The following PCAT6 variants were observed in gnomAD, a reference collection of about 807,000 sequenced individuals.
PCAT6 encodes the protein prostate cancer associated transcript 6, also known as KDM5B antisense RNA 1 (head to head).
chr1:202,810,988 G>T (rs1483408252), exon 1 of PCAT6: 23 of 233,988 alleles, frequency 9.8e-5, no homozygotes, highest in South Asian at 1.8e-4. Context: ...GCCTGGAGGT[G>T]CCGGGGCCGG....
chr1:202,811,189 A>T (rs1160957236), exon 1 of PCAT6: 1 of 395,408 alleles, frequency 2.5e-6, no homozygotes, highest in Non-Finnish European at 4.5e-6. Context: ...AACCGCCCTC[A>T]TTTGTGCAGC....
exon 1 of PCAT6, chr1:202,811,328 G>C (rs1658545744): frequency 2.5e-6 from 1 of 398,682 alleles, no homozygotes; most frequent in Admixed American, 4.4e-5. Flanking sequence ...TTCGCCCCTA[G>C]ATACACCCGC....
chr1:202,811,030 C>T, exon 1 of PCAT6: 1 of 303,840 alleles, frequency 3.3e-6, no homozygotes, highest in East Asian at 5.2e-5. Context: ...GAGGCCTAGG[C>T]GGGGTCAGGT....
exon 1 of PCAT6, chr1:202,811,709 C>T (rs1016476259): frequency 3.3e-6 from 1 of 304,142 alleles, no homozygotes. Context: ...ACCGGCTTTC[C>T]CTCGTCCTCT....
exon 1 of PCAT6, chr1:202,811,731 C>A: frequency 3.8e-6 from 1 of 263,558 alleles, no homozygotes; most frequent in East Asian, 6.4e-5. Flanking sequence ...CGCAGTCCAT[C>A]TCAGCTCATC....
rs190522047 is a variant in PCAT6, at chr1:202,811,254, A to G, written n.372A>G. The G allele has an allele frequency of 4.3e-3, 1,701 of 398,412 alleles. 29 individuals are homozygous for G. Among genetic ancestry groups the G allele is most frequent in the African/African-American group, 0.032 (1,539 of 48,488 alleles). The allele number at this position is 398,412 out of a possible 1,614,324, so 24.7% of individuals were successfully genotyped here. On this transcript the variant is annotated non_coding_transcript_exon_variant, in exon 1 of 1. Transcript: ENST00000686658. ...TCTCCATCCTCATTCGGTCCATCCA[A>G]CTCCCAGACCTCACGTCAACCGGCT... is the stretch of plus-strand genomic sequence containing the variant.
exon 1 of PCAT6, chr1:202,810,978 G>C (rs1043894437): frequency 4.1e-5 from 9 of 222,152 alleles, no homozygotes; most frequent in South Asian, 1.8e-4. Flanking sequence ...GGCAACCCCA[G>C]CCTGGAGGTG....
exon 1 of PCAT6, chr1:202,811,590 T>C (rs1658552282): frequency 5.1e-6 from 2 of 389,872 alleles, no homozygotes; most frequent in Non-Finnish European, 9.0e-6. Flanking sequence ...CAGGTGTCCG[T>C]GAGCCTCCCT....
chr1:202,811,549 C>A (rs1286864956), exon 1 of PCAT6: 2 of 395,860 alleles, frequency 5.1e-6, no homozygotes, highest in Non-Finnish European at 8.9e-6. Context: ...CTCCCCACCC[C>A]CTCGCCGCCT....
At chr1:202,811,432 C>T (rs925349184) in exon 1 of PCAT6, 3 of 398,558 alleles carry the variant, frequency 7.5e-6, no homozygotes, top group East Asian at 3.6e-5. Flanking sequence ...CCTCCCTCCC[C>T]TCCCCCTGGG....
exon 1 of PCAT6, chr1:202,811,421 TC>T: frequency 2.5e-6 from 1 of 398,614 alleles, no homozygotes; most frequent in Non-Finnish European, 4.4e-6. Context: ...TGGGGGGACT[TC>T]CTCCCTCCCC....
exon 1 of PCAT6, chr1:202,811,829 C>G (rs1165053256): frequency 1.2e-5 from 2 of 166,592 alleles, no homozygotes; most frequent in Non-Finnish European, 2.6e-5. Flanking sequence ...AACCCACAAA[C>G]GCTTGCGATT....
exon 1 of PCAT6, chr1:202,811,577 C>T (rs1658552046): frequency 2.5e-6 from 1 of 394,520 alleles, no homozygotes; most frequent in Non-Finnish European, 4.5e-6. Flanking sequence ...CTTTTCAGGG[C>T]TCCAGGTGTC....
chr1:202,811,714 T>A (rs1658555926), exon 1 of PCAT6: 1 of 294,112 alleles, frequency 3.4e-6, no homozygotes. Flanking sequence ...CTTTCCCTCG[T>A]CCTCTGCGCA....
At chr1:202,811,608 T>A (rs746314163) in exon 1 of PCAT6, 2 of 387,968 alleles carry the variant, frequency 5.2e-6, no homozygotes, top group Non-Finnish European at 9.1e-6. Flanking sequence ...CCTTCCGCCC[T>A]GGCCTCCGGT....
At chr1:202,811,178 A>T (rs1658542229) in exon 1 of PCAT6, 1 of 393,380 alleles carries the variant, frequency 2.5e-6, no homozygotes, top group Non-Finnish European at 4.5e-6. Flanking sequence ...TCCGTCCCCC[A>T]AACCGCCCTC....
exon 1 of PCAT6, chr1:202,811,241 T>G: frequency 2.5e-6 from 1 of 398,416 alleles, no homozygotes; most frequent in Non-Finnish European, 4.4e-6. Flanking sequence ...TCCATCCTCA[T>G]TCGGTCCATC....
At chr1:202,811,721 C>T in exon 1 of PCAT6, 1 of 282,424 alleles carries the variant, frequency 3.5e-6, no homozygotes. Context: ...TCGTCCTCTG[C>T]GCAGTCCATC....
exon 1 of PCAT6, chr1:202,811,401 G>C (rs1169245293): frequency 7.5e-6 from 3 of 398,658 alleles, no homozygotes; most frequent in Admixed American, 4.4e-5. Context: ...ACGCTGCCGG[G>C]TTGCAAACTT....
Sources: gnomAD v4.1 joint callset for allele counts on GRCh38, gnomAD v4.1.1 for gene constraint, MANE v1.5 for transcripts, NCBI Gene and HGNC (gene_info 2026-07-23, HGNC 2026-07-21) for gene names.